Variants in PLEKHA5 observed in about 807,000 individuals in gnomAD.
PLEKHA5 encodes pleckstrin homology domain-containing family A member 5.
PLEKHA5 carries 55 observed loss-of-function variants against 181.9 expected under a neutral mutation model. That is an observed-to-expected ratio of 0.30 (90% CI 0.24 to 0.38). The LOEUF is 0.38. PLEKHA5 is among the 10% of genes least tolerant of loss of function. The probability of loss-of-function intolerance (pLI) is 1.00; values close to 1 mark genes in which losing one functional copy is unlikely to be tolerated. For synonymous variants in PLEKHA5, 535 were observed against 529.4 expected (o/e 1.01, Z -0.15); for missense variants, 1,432 against 1,549.5 (o/e 0.92, Z 1.27).
At chr12:19,356,368 A>G (rs377509217) in intron 26 of PLEKHA5, among the ~76,000 whole-genome samples, 2 of 151,838 alleles carry the variant, frequency 1.3e-5, no homozygotes, top group South Asian at 4.2e-4. Context: ...TACCAAAAAA[A>G]ATTAGCCAGG....
At chr12:19,145,819 A>G (rs2038784349) in intron 3 of PLEKHA5, among the ~76,000 whole-genome samples, 1 of 152,158 alleles carries the variant, frequency 6.6e-6, no homozygotes, top group Non-Finnish European at 1.5e-5. Context: ...AATAGGCTGT[A>G]TTCGTAGTTG....
chr12:19,229,330 G>A (rs979048753), intron 3 of PLEKHA5, among the ~76,000 whole-genome samples: 9 of 152,178 alleles, frequency 5.9e-5, no homozygotes, highest in Admixed American at 1.3e-4. Flanking sequence ...GACCCTTGCG[G>A]TGAGTGTTAC....
intron 7 of PLEKHA5, among the ~76,000 whole-genome samples, chr12:19,263,613 A>T (rs2069270415): frequency 6.6e-6 from 1 of 152,222 alleles, no homozygotes. Context: ...TGCTAAAGAT[A>T]TTCCCAAATA....
chr12:19,231,581 T>G (rs2060584402), intron 3 of PLEKHA5, among the ~76,000 whole-genome samples: 2 of 131,794 alleles, frequency 1.5e-5, no homozygotes, highest in Non-Finnish European at 3.1e-5. Context: ...TATATGTATA[T>G]ATATTTATAT....
At chr12:19,170,475 G>A in intron 3 of PLEKHA5, among the ~76,000 whole-genome samples, 1 of 151,200 alleles carries the variant, frequency 6.6e-6, no homozygotes, top group Non-Finnish European at 1.5e-5. Flanking sequence ...TGCCCAGGCT[G>A]GAGTGCAGCG....
chr12:19,220,043 T>G (rs1040882902), intron 3 of PLEKHA5, among the ~76,000 whole-genome samples: 1 of 152,120 alleles, frequency 6.6e-6, no homozygotes, highest in African/African-American at 2.4e-5. Context: ...TGAGTATAGA[T>G]GTTAACCATA....
intron 3 of PLEKHA5, among the ~76,000 whole-genome samples, chr12:19,224,162 A>G (rs371097375): frequency 8.5e-5 from 13 of 152,336 alleles, no homozygotes; most frequent in East Asian, 7.7e-4. Flanking sequence ...TAGTATGTGG[A>G]TGAAATTTTC....
intron 3 of PLEKHA5, among the ~76,000 whole-genome samples, chr12:19,242,707 C>T (rs1266750152): frequency 6.6e-6 from 1 of 152,064 alleles, no homozygotes; most frequent in Non-Finnish European, 1.5e-5. Context: ...TTCTTAATGT[C>T]TATAATAATG....
intron 10 of PLEKHA5, among the ~76,000 whole-genome samples, chr12:19,271,171 G>T (rs951479207): frequency 2.6e-5 from 4 of 152,164 alleles, no homozygotes; most frequent in African/African-American, 7.2e-5. Flanking sequence ...AGATGAGGTG[G>T]TTAGCACTGA....
At chr12:19,197,733 T>TGTGTGTGTGTG (rs1565455206) in intron 3 of PLEKHA5, among the ~76,000 whole-genome samples, 1 of 112,148 alleles carries the variant, frequency 8.9e-6, no homozygotes, top group Non-Finnish European at 1.8e-5. Context: ...TGTGTGTGTG[T>TGTGTGTGTGTG]TTAAGTCGCC....
At chr12:19,150,474 C>T (rs924923396) in intron 3 of PLEKHA5, 1 of 152,204 alleles carries the variant, frequency 6.6e-6, no homozygotes, top group Non-Finnish European at 1.5e-5. Context: ...GCACTTATCA[C>T]TGGTTAAAAT....
In PLEKHA5 at chr12:19,272,937, C is replaced by T. The variant is rs113658829; in HGVS notation, c.846-1579C>T. The stretch of plus-strand genomic sequence containing the variant: ...TTGTTCTTGTTTTGAGATGGAGTCT[C>T]GCTCTGTCGCCCAGGCTGGAGTGCA... On this transcript the variant is annotated intron_variant, in intron 10 of 31. Coordinates refer to ENST00000429027, the MANE Select transcript of PLEKHA5 (RefSeq NM_001256470.2). 3.1e-3 allele frequency among the ~76,000 whole-genome samples: 476 copies of T among 152,250 alleles called. 2 individuals carry two copies. The highest frequency in any genetic ancestry group is 0.011 in the African/African-American group (454 of 41,562).
chr12:19,277,164 A>C (rs551024907), intron 11 of PLEKHA5, among the ~76,000 whole-genome samples: 21 of 152,166 alleles, frequency 1.4e-4, no homozygotes, highest in Non-Finnish European at 3.1e-4. Flanking sequence ...GGGGGAAAAA[A>C]ATGAAAGGAT....
chr12:19,132,943 T>A (rs907302408), intron 3 of PLEKHA5, among the ~76,000 whole-genome samples: 8 of 110,108 alleles, frequency 7.3e-5, no homozygotes, highest in African/African-American at 2.7e-4. Flanking sequence ...TTTTTTTTTT[T>A]AGTGAACCTT....
In PLEKHA5 at chr12:19,255,120, C is replaced by T. The variant is rs151015416; in HGVS notation, c.387C>T (p.Asn129=). Reference sequence around the variant, plus strand: ...TGATAAATGAAGCTTCTAACTATAACGTGACTTCAGATTATGCAGTGCATC... The same window carrying T: ...TGATAAATGAAGCTTCTAACTATAATGTGACTTCAGATTATGCAGTGCATC... The part of the protein sequence containing the change: ...ISMINEASNY[N]VTSDYAVHPM... The change falls in exon 5 of 32, where the codon AAC becomes AAT. Residue 129 remains asparagine, a synonymous_variant. Transcript: ENST00000429027. The T allele has an allele frequency of 3.1e-6, 5 of 1,608,708 alleles. No individual in the cohort carries two copies. The highest frequency in any genetic ancestry group is 2.7e-5 in the African/African-American group (2 of 74,832).
intron 4 of PLEKHA5, among the ~76,000 whole-genome samples, chr12:19,254,647 C>T (rs2066344918): frequency 8.4e-6 from 1 of 119,172 alleles, no homozygotes; most frequent in African/African-American, 2.8e-5. Context: ...ATGGTGAAAC[C>T]CTGACTGTAC....
chr12:19,375,169 C>A (rs1009815224), intron 31 of PLEKHA5, among the ~76,000 whole-genome samples: 4 of 151,522 alleles, frequency 2.6e-5, no homozygotes, highest in Non-Finnish European at 5.9e-5. Context: ...ACTAAAAATA[C>A]AAAAATTAGC....
intron 15 of PLEKHA5, among the ~76,000 whole-genome samples, chr12:19,301,727 A>G (rs956096439): frequency 6.6e-6 from 1 of 152,218 alleles, no homozygotes; most frequent in African/African-American, 2.4e-5. Flanking sequence ...TACTTACAGG[A>G]AAAAACGTAT....
intron 15 of PLEKHA5, chr12:19,307,364 T>G: frequency 3.6e-6 from 1 of 276,276 alleles, no homozygotes; most frequent in Non-Finnish European, 6.9e-6. Context: ...CCCAAATACT[T>G]AGGAGGCTGA....
Sources: gnomAD v4.1 joint callset for allele counts (sites outside exome capture counted in the v4.1 genomes callset) on GRCh38, gnomAD v4.1.1 for gene constraint, MANE v1.5 for transcripts, NCBI Gene and HGNC (gene_info 2026-07-23, HGNC 2026-07-21) for gene names.